ABHD13: variants seen among roughly 807,000 people sequenced by gnomAD.
The protein encoded by ABHD13 is protein ABHD13.
A neutral mutation model predicts 25.2 loss-of-function variants in ABHD13; 7 were observed. That is an observed-to-expected ratio of 0.28 (90% confidence interval 0.16 to 0.52). ABHD13 has a LOEUF of 0.52. Among genes scored for constraint, ABHD13 ranks in the 20% least tolerant of loss-of-function variants. The pLI, the probability that ABHD13 is intolerant of heterozygous loss-of-function variation, is 0.96. For synonymous variants in ABHD13, 133 were observed against 136.1 expected (o/e 0.98, Z 0.16); for missense variants, 302 against 402.7 (o/e 0.75, Z 2.14).
chr13:108,224,509 T>C (rs1016785869), intron 1 of ABHD13, among the ~76,000 whole-genome samples: 2 of 152,220 alleles, frequency 1.3e-5, no homozygotes, highest in African/African-American at 4.8e-5. Flanking sequence ...GTTTATAAAA[T>C]AGTTATTTAA....
chr13:108,228,885 G>A (rs1879729558), intron 1 of ABHD13, among the ~76,000 whole-genome samples: 1 of 151,340 alleles, frequency 6.6e-6, no homozygotes, highest in South Asian at 2.1e-4. Flanking sequence ...AAAAAAAAAT[G>A]ACACTATCGC....
intron 1 of ABHD13, among the ~76,000 whole-genome samples, chr13:108,224,997 T>C (rs950181437): frequency 2.0e-5 from 3 of 152,226 alleles, no homozygotes; most frequent in Admixed American, 6.5e-5. Flanking sequence ...CTAATATCAA[T>C]GTGACACCTC....
rs527636948 is a variant in ABHD13, at chr13:108,230,019, A to G, written c.801A>G (p.Ser267=). ...CTTCACTTTTCATCTCTGGACTCTC[A>G]GATCAATTAATTCCACCAGTAATGA... ...RMPSLFISGL[S]DQLIPPVMMK... is the part of the protein sequence containing the mutation. The change falls in exon 2 of 2, where the codon TCA becomes TCG. Residue 267 remains serine (S), a synonymous_variant. Coordinates refer to ENST00000375898, the MANE Select transcript of ABHD13 (RefSeq NM_032859.3). 4.1e-5 allele frequency: 66 copies of G among 1,613,226 alleles called. No individual in the cohort carries two copies. Among genetic ancestry groups the G allele is most frequent in the Middle Eastern group, 1.6e-4 (1 of 6,062 alleles).
intron 1 of ABHD13, among the ~76,000 whole-genome samples, chr13:108,227,750 T>G (rs1057147058): frequency 6.6e-6 from 1 of 151,996 alleles, no homozygotes; most frequent in Non-Finnish European, 1.5e-5. Context: ...GGTAAGCATT[T>G]TAAAAACTCA....
Position 108,223,195 on chromosome 13 carries a change from T to C in ABHD13, c.-21+4536T>C, listed in dbSNP as rs115395420. Reference sequence around the variant, plus strand: ...ATGCAGATTTTTCCAAATGGTGACATGTTTAATATTAATAGATTACCACAG... The same window carrying C: ...ATGCAGATTTTTCCAAATGGTGACACGTTTAATATTAATAGATTACCACAG... On this transcript the variant is annotated intron_variant, in intron 1 of 1. Coordinates refer to ENST00000375898, the MANE Select transcript of ABHD13 (RefSeq NM_032859.3). 6.7e-3 allele frequency among the ~76,000 whole-genome samples: 1,025 copies of C among 152,334 alleles called. 13 individuals are homozygous for C. Among genetic ancestry groups the C allele is most frequent in the African/African-American group, 0.024 (986 of 41,570 alleles).
chr13:108,220,915 C>G (rs1879554713), intron 1 of ABHD13, among the ~76,000 whole-genome samples: 1 of 152,194 alleles, frequency 6.6e-6, no homozygotes, highest in African/African-American at 2.4e-5. Context: ...CATTATCAGT[C>G]TAACATCACT....
intron 1 of ABHD13, among the ~76,000 whole-genome samples, chr13:108,219,653 C>G (rs1042549355): frequency 6.6e-6 from 1 of 152,200 alleles, no homozygotes; most frequent in African/African-American, 2.4e-5. Flanking sequence ...ATGCATCAGG[C>G]ACTGCTGCGT....
At chr13:108,228,396 A>G (rs930579461) in intron 1 of ABHD13, among the ~76,000 whole-genome samples, 13 of 152,016 alleles carry the variant, frequency 8.6e-5, no homozygotes, top group Non-Finnish European at 1.8e-4. Context: ...TTCATTAAAG[A>G]GTATATAAAA....
intron 1 of ABHD13, among the ~76,000 whole-genome samples, chr13:108,225,174 A>G (rs1231429092): frequency 6.6e-6 from 1 of 152,134 alleles, no homozygotes; most frequent in African/African-American, 2.4e-5. Context: ...TTTTTTGTGT[A>G]TAATTAGCAT....
intron 1 of ABHD13, among the ~76,000 whole-genome samples, chr13:108,223,097 ATTTTTTAC>A (rs1460507310): frequency 3.3e-5 from 5 of 152,310 alleles, no homozygotes; most frequent in African/African-American, 9.6e-5. Context: ...TTTGTAGTGA[ATTTTTTAC>A]TCACGTTTGC....
chr13:108,225,210 A>C (rs1879649888), intron 1 of ABHD13, among the ~76,000 whole-genome samples: 1 of 152,184 alleles, frequency 6.6e-6, no homozygotes, highest in Non-Finnish European at 1.5e-5. Flanking sequence ...TTGGGAAGGG[A>C]GCAGGATGTG....
intron 1 of ABHD13, among the ~76,000 whole-genome samples, 151 bp downstream of exon 1, chr13:108,218,810 C>T (rs994065127): frequency 1.5e-4 from 22 of 150,934 alleles, no homozygotes; most frequent in Admixed American, 5.3e-4. Context: ...TGCGGCTTCC[C>T]CTGGGGGTCG....
intron 1 of ABHD13, among the ~76,000 whole-genome samples, chr13:108,219,920 G>T (rs1049079132): frequency 6.6e-6 from 1 of 152,124 alleles, no homozygotes; most frequent in African/African-American, 2.4e-5. Flanking sequence ...TACCTCTAGG[G>T]AATCATATCC....
intron 1 of ABHD13, among the ~76,000 whole-genome samples, chr13:108,219,377 A>C (rs1030862050): frequency 6.6e-6 from 1 of 152,214 alleles, no homozygotes; most frequent in Non-Finnish European, 1.5e-5. Flanking sequence ...TATGTTTACT[A>C]TGTGATAGTA....
At chr13:108,219,913 C>G (rs533561915) in intron 1 of ABHD13, among the ~76,000 whole-genome samples, 1 of 152,226 alleles carries the variant, frequency 6.6e-6, no homozygotes, top group South Asian at 2.1e-4. Context: ...GATACGGTAC[C>G]TCTAGGGAAT....
At chr13:108,219,919 G>A (rs930665668) in intron 1 of ABHD13, among the ~76,000 whole-genome samples, 1 of 152,074 alleles carries the variant, frequency 6.6e-6, no homozygotes, top group Non-Finnish European at 1.5e-5. Context: ...GTACCTCTAG[G>A]GAATCATATC....
In ABHD13 at chr13:108,229,878, A is replaced by G. The variant is rs755172816; in HGVS notation, c.660A>G (p.Leu220=). ...CCATTATGGTGGAGAACACATTTTT[A>G]AGCATACCACATATGGCCAGCACTT... ...ISAIMVENTF[L]SIPHMASTLF... Residue 220 remains leucine, a synonymous_variant, in exon 2 of 2, where the codon TTA becomes TTG. Coordinates refer to ENST00000375898, the MANE Select transcript of ABHD13 (RefSeq NM_032859.3). This position sits in a 1 kb window ranked among gnomAD's most constrained non-coding sequence, Gnocchi z 4.7. The G allele has an allele frequency of 1.1e-5, 18 of 1,613,320 alleles. No individual in the cohort carries two copies. The Admixed American group carries it at 2.5e-4, about 22-fold the overall frequency.
chr13:108,224,151 T>C (rs992750035), intron 1 of ABHD13, among the ~76,000 whole-genome samples: 2 of 152,226 alleles, frequency 1.3e-5, no homozygotes, highest in East Asian at 1.9e-4. Context: ...GTAATGACAA[T>C]TGTCATCTTT....
At chr13:108,227,629 A>T (rs1879702557) in intron 1 of ABHD13, among the ~76,000 whole-genome samples, 1 of 152,060 alleles carries the variant, frequency 6.6e-6, no homozygotes, top group Non-Finnish European at 1.5e-5. Context: ...ACAGTAAGAA[A>T]GTAGTAGAGC....
Sources: allele counts gnomAD v4.1 joint callset (sites outside exome capture counted in the v4.1 genomes callset), GRCh38; gene constraint gnomAD v4.1.1; non-coding constraint Gnocchi (gnomAD v3.1); transcripts MANE v1.5; gene names NCBI Gene and HGNC (gene_info 2026-07-23, HGNC 2026-07-21).